NCKAP5: variants seen among roughly 807,000 people sequenced by gnomAD.
The protein encoded by NCKAP5 is NCK associated protein 5, also known as nck-associated protein 5.
Under a neutral mutation model 167.0 loss-of-function variants are expected in NCKAP5, and 92 were observed. The observed-to-expected ratio is 0.55, with a 90% CI of 0.47 to 0.66. The LOEUF (loss-of-function observed/expected upper bound fraction) is 0.66. NCKAP5 is among the 30% of genes least tolerant of loss of function. NCKAP5 has a pLI of 0.00. For missense variants in NCKAP5, 2,378 were observed against 2,315.0 expected, an observed-to-expected ratio of 1.03 and a Z score of -0.56; for synonymous variants, 891 against 877.4, an observed-to-expected ratio of 1.02 and a Z score of -0.27.
At chr2:132,818,852 T>C (rs1686489023) in intron 11 of NCKAP5, among the ~76,000 whole-genome samples, 1 of 152,222 alleles carries the variant, frequency 6.6e-6, no homozygotes, top group Non-Finnish European at 1.5e-5. Flanking sequence ...TATCATATTA[T>C]AGCTGTTGAA....
At chr2:133,325,048 C>T (rs1682335961) in intron 3 of NCKAP5, among the ~76,000 whole-genome samples, 1 of 152,136 alleles carries the variant, frequency 6.6e-6, no homozygotes, top group Admixed American at 6.6e-5. Context: ...ATTATTCACT[C>T]GAATTCTTCT....
At chr2:133,254,754 G>A (rs1012012516) in intron 4 of NCKAP5, among the ~76,000 whole-genome samples, 3 of 152,046 alleles carry the variant, frequency 2.0e-5, no homozygotes, top group African/African-American at 7.2e-5. Flanking sequence ...ACCCAGCTGT[G>A]GTTTGTAACT....
intron 8 of NCKAP5, among the ~76,000 whole-genome samples, chr2:132,911,856 G>C (rs373770967): frequency 6.6e-6 from 1 of 152,126 alleles, no homozygotes. Flanking sequence ...CCATGGCTCC[G>C]GTAAACTGCA....
At chr2:133,271,413 G>A (rs1574562441) in intron 4 of NCKAP5, among the ~76,000 whole-genome samples, 1 of 152,146 alleles carries the variant, frequency 6.6e-6, no homozygotes, top group Non-Finnish European at 1.5e-5. Flanking sequence ...CACCTGACAT[G>A]TTTCTCCTTA....
intron 4 of NCKAP5, among the ~76,000 whole-genome samples, chr2:133,241,171 T>TA (rs1310802348): frequency 6.6e-6 from 1 of 152,232 alleles, no homozygotes; most frequent in Non-Finnish European, 1.5e-5. Flanking sequence ...GCTGTGCTTA[T>TA]AAACAACTAT....
At chr2:132,778,765 C>T (rs1682766906) in intron 15 of NCKAP5, among the ~76,000 whole-genome samples, 1 of 152,182 alleles carries the variant, frequency 6.6e-6, no homozygotes, top group African/African-American at 2.4e-5. Context: ...TGGGTATTCA[C>T]ATCAATGTGC....
In NCKAP5 at chr2:132,782,867, T is replaced by C. The variant is rs769020519; in HGVS notation, c.3944A>G (p.Gln1315Arg). The C allele has an allele frequency of 2.5e-5, 41 of 1,613,728 alleles. No individual in the cohort carries two copies. In the East Asian group the frequency reaches 9.1e-4, roughly 36 times the overall value. ...TAERGNSLTR[Q>R]NSSTESSPNK... is the part of the protein sequence containing the mutation. ...GGGAGAGCTTTCCGTGGAAGAGTTCTGCCGGGTAAGAGAATTGCCTCTCTC... is the reference window on the plus strand; with the variant it reads ...GGGAGAGCTTTCCGTGGAAGAGTTCCGCCGGGTAAGAGAATTGCCTCTCTC... The change falls in exon 14 of 20, where the codon CAG becomes CGG. Residue 1315 changes from glutamine to arginine, a missense_variant. Gln to Arg is a conservative substitution (Grantham distance 43). Around this residue, in one of 3 missense-constraint regions of NCKAP5, gnomAD observed 1,325 missense variants for 1,274.5 expected, o/e 1.04. Coordinates refer to ENST00000409261, the MANE Select transcript of NCKAP5 (RefSeq NM_207363.3).
rs113015135 is a variant in NCKAP5 at position 133,284,969 on chromosome 2, A to G, written c.143+18068T>C. 1.7e-3 allele frequency among the ~76,000 whole-genome samples: 258 copies of G among 152,270 alleles called. 1 individual carries two copies. Among genetic ancestry groups the G allele is most frequent in the Admixed American group, 4.3e-3 (65 of 15,286 alleles). ...TATATCAAGAGCATGCCCATTCCCA[A>G]CCCACAATGGAATGTGAGCCTAATT... On this transcript the variant is annotated intron_variant, in intron 4 of 19. Coordinates refer to ENST00000409261, the MANE Select transcript of NCKAP5 (RefSeq NM_207363.3).
the NCKAP5 span, among the ~76,000 whole-genome samples, chr2:133,591,134 CG>C: frequency 6.6e-6 from 1 of 152,066 alleles, no homozygotes; most frequent in African/African-American, 2.4e-5. Context: ...CCAGTGAGTG[CG>C]GGGAGAGGGA....
chr2:133,411,408 G>A (rs1688765170), intron 3 of NCKAP5, among the ~76,000 whole-genome samples: 5 of 152,190 alleles, frequency 3.3e-5, no homozygotes, highest in Admixed American at 2.6e-4. Context: ...AGAAAGGTGA[G>A]TGAAGGACTT....
At chr2:133,233,680 C>A (rs917797264) in intron 4 of NCKAP5, among the ~76,000 whole-genome samples, 1 of 152,122 alleles carries the variant, frequency 6.6e-6, no homozygotes, top group Admixed American at 6.6e-5. Flanking sequence ...AAATAAAATA[C>A]CTTCAACATA....
At chr2:133,392,215 G>C (rs779661908) in intron 3 of NCKAP5, among the ~76,000 whole-genome samples, 46 of 152,280 alleles carry the variant, frequency 3.0e-4, no homozygotes, top group Non-Finnish European at 5.4e-4. Flanking sequence ...ATGTTTTTAT[G>C]TTTAAATATG....
intron 6 of NCKAP5, among the ~76,000 whole-genome samples, chr2:133,030,261 G>A (rs1245392882): frequency 6.6e-6 from 1 of 152,182 alleles, no homozygotes; most frequent in Non-Finnish European, 1.5e-5. Context: ...AAGTATTCTG[G>A]GGAGGCACCT....
Position 133,382,343 on chromosome 2 carries a change from C to T in NCKAP5, c.70-79233G>A, listed in dbSNP as rs554141526. ...TCACACGTGTATTATGCCCCTCCCT[C>T]GAATCTGTTCACCACACAGTACCTA... On this transcript the variant is annotated intron_variant, in intron 3 of 19. Coordinates refer to ENST00000409261, the MANE Select transcript of NCKAP5 (RefSeq NM_207363.3). 3.3e-5 allele frequency among the ~76,000 whole-genome samples: 5 copies of T among 152,292 alleles called. No individual in the cohort carries two copies. The East Asian group carries it at 5.8e-4, about 18-fold the overall frequency.
At chr2:132,867,830 T>C (rs985926530) in intron 10 of NCKAP5, among the ~76,000 whole-genome samples, 1 of 152,190 alleles carries the variant, frequency 6.6e-6, no homozygotes, top group Admixed American at 6.5e-5. Context: ...CCCACCTCAT[T>C]ATGGATCTCT....
intron 11 of NCKAP5, 21 bp downstream of exon 11, chr2:132,860,471 G>A: frequency 1.9e-6 from 3 of 1,554,544 alleles, no homozygotes; most frequent in Non-Finnish European, 2.6e-6. Flanking sequence ...AGCAAAGATT[G>A]TTTTCCAGAT....
At chr2:133,417,580 C>T (rs1408771036) in intron 3 of NCKAP5, among the ~76,000 whole-genome samples, 1 of 152,142 alleles carries the variant, frequency 6.6e-6, no homozygotes, top group Non-Finnish European at 1.5e-5. Context: ...GGATGGGAGC[C>T]CCAGGCTTTG....
At chr2:132,842,485 A>T (rs926439691) in intron 11 of NCKAP5, among the ~76,000 whole-genome samples, 25 of 151,992 alleles carry the variant, frequency 1.6e-4, no homozygotes, top group African/African-American at 6.0e-4. Context: ...AAATTTTGCT[A>T]CTTTATTATA....
At chr2:132,725,802 C>A in intron 18 of NCKAP5, 43 bp from the exon 19 acceptor site, 1 of 1,596,694 alleles carries the variant, frequency 6.3e-7, no homozygotes, top group South Asian at 1.1e-5. Flanking sequence ...TCATACAAAT[C>A]AAAATGAGGC....
Sources: allele counts gnomAD v4.1 joint callset (sites outside exome capture counted in the v4.1 genomes callset), GRCh38; gene constraint gnomAD v4.1.1; regional missense constraint gnomAD v4.1.1; transcripts MANE v1.5; gene names NCBI Gene and HGNC (gene_info 2026-07-23, HGNC 2026-07-21).